SLC39A11: variants seen among roughly 807,000 people sequenced by gnomAD.
SLC39A11 encodes zinc transporter ZIP11.
SLC39A11 carries 33 observed loss-of-function variants against 36.1 expected under a neutral mutation model. That is an observed-to-expected ratio of 0.91 (90% confidence interval 0.69 to 1.22). The LOEUF (loss-of-function observed/expected upper bound fraction) is 1.22, where lower values mean the gene tolerates loss of function less well. Ranked by LOEUF, SLC39A11 falls within the 50% of genes most tolerant of loss-of-function variation. The probability of loss-of-function intolerance (pLI) is 0.00; values close to 1 mark genes in which losing one functional copy is unlikely to be tolerated. For synonymous variants in SLC39A11, 166 were observed against 170.3 expected (o/e 0.97, Z 0.20); for missense variants, 432 against 430.3 (o/e 1.00, Z -0.03).
At position 73,088,685 on chromosome 17, in the gene SLC39A11, G is replaced by T. The variant is rs905654211; in HGVS notation, c.80C>A (p.Ala27Asp). 1.9e-6 allele frequency: 3 copies of T among 1,612,658 alleles called. No individual in the cohort carries two copies. In the African/African-American group the frequency reaches 4.0e-5, roughly 22 times the overall value. The change falls in exon 2 of 10, where the codon GCT becomes GAT. Residue 27 changes from alanine (A) to aspartate (D), a missense_variant. Coordinates refer to ENST00000255559, the MANE Select transcript of SLC39A11 (RefSeq NM_139177.4). ...FTWGMTAAGA[A>D]LVFVFSSGQR... ...TCCACTAGAGAATACGAACACGAGAGCTGCCCCAGCTGCTGTCATCCCCCA... is the reference window on the plus strand; with the variant it reads ...TCCACTAGAGAATACGAACACGAGATCTGCCCCAGCTGCTGTCATCCCCCA...
At chr17:72,767,327 G>A (rs2075791739) in intron 6 of SLC39A11, among the ~76,000 whole-genome samples, 1 of 152,236 alleles carries the variant, frequency 6.6e-6, no homozygotes, top group Non-Finnish European at 1.5e-5. Flanking sequence ...AGCCTTCAGA[G>A]AAATGGTCCC....
chr17:72,881,170 A>C (rs1244629833), intron 5 of SLC39A11, among the ~76,000 whole-genome samples: 4 of 150,776 alleles, frequency 2.7e-5, no homozygotes, highest in Non-Finnish European at 5.9e-5. Flanking sequence ...TTATCCCCCA[A>C]AAATGACATC....
rs57220008 is a variant in SLC39A11 at position 72,701,727 on chromosome 17, CAAAAAAAAAAA to C, written c.671+34912_671+34922del. 9.8e-4 allele frequency among the ~76,000 whole-genome samples: 87 copies of C among 88,868 alleles called. 1 individual carries two copies. Among genetic ancestry groups the C allele is most frequent in the African/African-American group, 3.7e-3 (78 of 20,938 alleles). The allele number at this position is 88,868 out of a possible 152,430, so 58.3% of individuals were successfully genotyped here. A position where few individuals can be genotyped will look rare whatever the true frequency, so the allele number is the denominator to read the frequency against. On this transcript the variant is annotated intron_variant, in intron 7 of 9. Coordinates refer to ENST00000255559, the MANE Select transcript of SLC39A11 (RefSeq NM_139177.4). Reference sequence around the variant, plus strand: ...TGGGAGACAGAGGGAGATTCTGTCTCAAAAAAAAAAAAAAAAAAAGAAAAAGAGAAAGAAAG... The same window carrying C: ...TGGGAGACAGAGGGAGATTCTGTCTCAAAAAAAAGAAAAAGAGAAAGAAAG...
intron 4 of SLC39A11, among the ~76,000 whole-genome samples, chr17:72,955,022 C>T (rs560331106): frequency 6.6e-6 from 1 of 152,282 alleles, no homozygotes; most frequent in Admixed American, 6.5e-5. Flanking sequence ...TTTTTTAATG[C>T]AATTCTTGCC....
At chr17:72,814,914 G>A (rs544651626) in intron 6 of SLC39A11, among the ~76,000 whole-genome samples, 6 of 152,278 alleles carry the variant, frequency 3.9e-5, no homozygotes, top group African/African-American at 1.4e-4. Context: ...AACCTTTAGG[G>A]AAGGCCTTTT....
At chr17:73,025,927 G>A (rs2058520492) in intron 4 of SLC39A11, among the ~76,000 whole-genome samples, 1 of 151,736 alleles carries the variant, frequency 6.6e-6, no homozygotes, top group Non-Finnish European at 1.5e-5. Flanking sequence ...AGACCAGCCT[G>A]GCCAACATGC....
rs146137295 is a variant in SLC39A11, at chr17:73,024,580, C to A, written c.306+6976G>T. Among the ~76,000 whole-genome samples the A allele has an allele frequency of 5.9e-5, 9 of 152,288 alleles. No homozygotes were observed. The East Asian group carries it at 1.5e-3, about 26-fold the overall frequency. On this transcript the variant is annotated intron_variant, in intron 4 of 9. Coordinates refer to ENST00000255559, the MANE Select transcript of SLC39A11 (RefSeq NM_139177.4). ...TCTACGAAGGAGAAATAAATACATG[C>A]AAACACACCTCTGGGAGGAAAACTG...
chr17:72,935,707 T>C (rs2084699125), intron 5 of SLC39A11, among the ~76,000 whole-genome samples: 1 of 152,122 alleles, frequency 6.6e-6, no homozygotes, highest in African/African-American at 2.4e-5. Flanking sequence ...CTCAGCCTCC[T>C]GAGTAGCTGG....
chr17:72,957,211 C>G (rs1267280111), intron 4 of SLC39A11, among the ~76,000 whole-genome samples: 2 of 152,174 alleles, frequency 1.3e-5, no homozygotes, highest in African/African-American at 4.8e-5. Flanking sequence ...AAATGGGTAT[C>G]CACATTGAAG....
intron 5 of SLC39A11, among the ~76,000 whole-genome samples, chr17:72,900,000 GAGAA>G (rs1262808787): frequency 4.2e-5 from 1 of 24,000 alleles, no homozygotes; most frequent in South Asian, 1.1e-3. Flanking sequence ...GAGAGAGAGA[GAGAA>G]AGAGAGAGAG....
Position 72,849,824 on chromosome 17 carries a change from A to AAG in SLC39A11, c.431-22_431-21dup, listed in dbSNP as rs748033585. ...TCTTGTCTGAGCAAAAAAAAAAAAA[A>AAG]AGAGAGATGGGGAAAGACAGCGCTT... On this transcript the variant is annotated intron_variant, in intron 5 of 9. Transcript: ENST00000255559. The AAG allele has an allele frequency of 2.2e-6, 3 of 1,372,120 alleles. No homozygotes were observed. The South Asian group carries it at 4.2e-5, about 19-fold the overall frequency. 85.0% of individuals were successfully genotyped at this position (1,372,120 alleles called of 1,614,324 possible).
At chr17:72,702,691 C>CTT (rs2072705964) in intron 7 of SLC39A11, among the ~76,000 whole-genome samples, 1 of 152,024 alleles carries the variant, frequency 6.6e-6, no homozygotes, top group Non-Finnish European at 1.5e-5. Context: ...AATCCCAACA[C>CTT]TTTGGGAGGC....
At chr17:73,067,749 T>C (rs144765150) in intron 3 of SLC39A11, 1 of 829,416 alleles carries the variant, frequency 1.2e-6, no homozygotes, top group Non-Finnish European at 2.0e-6. Context: ...AAACATAGAG[T>C]AGACACGTAC....
chr17:73,090,459 C>T (rs1469205566), intron 1 of SLC39A11, among the ~76,000 whole-genome samples: 1 of 152,182 alleles, frequency 6.6e-6, no homozygotes, highest in African/African-American at 2.4e-5. Flanking sequence ...TGCTAAGCCA[C>T]CCTAAAAAGA....
chr17:72,740,286 T>C (rs13341338), intron 6 of SLC39A11, among the ~76,000 whole-genome samples: 7,695 of 151,990 alleles, frequency 0.051, 287 homozygotes, highest in African/African-American at 0.11. Context: ...AGGATGGTCT[T>C]GATCTCCTGA....
chr17:73,027,411 C>A (rs1316829706), intron 4 of SLC39A11, among the ~76,000 whole-genome samples: 4 of 152,216 alleles, frequency 2.6e-5, no homozygotes, highest in Non-Finnish European at 5.9e-5. Flanking sequence ...CGCCATTTGG[C>A]AAAGTCTCTG....
intron 6 of SLC39A11, among the ~76,000 whole-genome samples, chr17:72,841,067 AT>A (rs1430267874): frequency 3.9e-5 from 6 of 152,172 alleles, no homozygotes; most frequent in African/African-American, 1.4e-4. Context: ...AAAATAAAAA[AT>A]AAAAAATTAG....
chr17:72,994,024 T>G (rs1023861813), intron 4 of SLC39A11, among the ~76,000 whole-genome samples: 1 of 152,176 alleles, frequency 6.6e-6, no homozygotes, highest in South Asian at 2.1e-4. Context: ...TATTTTTCCA[T>G]ATGAACTACA....
intron 6 of SLC39A11, among the ~76,000 whole-genome samples, chr17:72,820,552 G>A (rs1200263347): frequency 6.6e-6 from 1 of 151,054 alleles, no homozygotes; most frequent in African/African-American, 2.4e-5. Context: ...CCTACACTGG[G>A]ATTGCAGAGC....
Sources: allele counts gnomAD v4.1 joint callset (sites outside exome capture counted in the v4.1 genomes callset), GRCh38; gene constraint gnomAD v4.1.1; transcripts MANE v1.5; gene names NCBI Gene and HGNC (gene_info 2026-07-23, HGNC 2026-07-21).